The following FBN1 variants were observed in gnomAD, a reference collection of about 807,000 sequenced individuals.
FBN1 encodes fibrillin 1.
FBN1 carries 29 observed loss-of-function variants against 365.1 expected under a neutral mutation model. The observed-to-expected ratio is 0.08, with a 90% CI of 0.06 to 0.11. FBN1 has a LOEUF of 0.11. Among genes scored for constraint, FBN1 ranks in the 10% least tolerant of loss-of-function variants. FBN1 has a pLI of 1.00. For missense variants in FBN1, 2,476 were observed against 3,703.2 expected, an observed-to-expected ratio of 0.67 and a Z score of 8.60; for synonymous variants, 1,210 against 1,270.5, an observed-to-expected ratio of 0.95 and a Z score of 1.01.
At chr15:48,505,218 T>C (rs563858016) in intron 15 of FBN1, 71 bp from the exon 16 acceptor site, 13 of 1,591,506 alleles carry the variant, frequency 8.2e-6, no homozygotes, top group South Asian at 4.4e-5. Context: ...TTGACAATTA[T>C]GTTTTAACCC....
intron 22 of FBN1, among the ~76,000 whole-genome samples, chr15:48,494,727 T>C (rs1288698650): frequency 6.6e-6 from 1 of 152,170 alleles, no homozygotes; most frequent in Non-Finnish European, 1.5e-5. Flanking sequence ...AAACCTCAAG[T>C]TCCCAACAGA....
chr15:48,599,713 C>T (rs2044547120), intron 5 of FBN1, among the ~76,000 whole-genome samples: 1 of 152,044 alleles, frequency 6.6e-6, no homozygotes, highest in Non-Finnish European at 1.5e-5. Context: ...GCAGATACCA[C>T]CAATCAAGAT....
intron 32 of FBN1, among the ~76,000 whole-genome samples, chr15:48,478,726 TGGC>T (rs2043443784): frequency 6.6e-6 from 1 of 152,194 alleles, no homozygotes; most frequent in African/African-American, 2.4e-5. Flanking sequence ...CATTCCCCCT[TGGC>T]AATACCCAGG....
intron 11 of FBN1, 84 bp from the exon 12 acceptor site, chr15:48,515,611 G>A: frequency 6.4e-7 from 1 of 1,553,792 alleles, no homozygotes; most frequent in South Asian, 1.1e-5. Flanking sequence ...TGAACAAGAT[G>A]TTGAATCAGA....
At chr15:48,563,934 A>T (rs1030139317) in intron 6 of FBN1, among the ~76,000 whole-genome samples, 6 of 152,212 alleles carry the variant, frequency 3.9e-5, no homozygotes, top group African/African-American at 1.4e-4. Flanking sequence ...AGACTTGGAG[A>T]TGAAGTTTGA....
chr15:48,611,128 C>A (rs922666790), intron 3 of FBN1, among the ~76,000 whole-genome samples: 1 of 152,068 alleles, frequency 6.6e-6, no homozygotes, highest in Non-Finnish European at 1.5e-5. Context: ...GAAAACCAAA[C>A]AAACAAATTA....
chr15:48,440,367 T>C (rs1253633515), intron 50 of FBN1, among the ~76,000 whole-genome samples: 2 of 152,188 alleles, frequency 1.3e-5, no homozygotes, highest in East Asian at 1.9e-4. Context: ...ATTGAATTAA[T>C]AGCCTAGGAG....
intron 2 of FBN1, chr15:48,642,630 T>A (rs1329791303): frequency 6.6e-6 from 1 of 150,844 alleles, no homozygotes; most frequent in Non-Finnish European, 1.5e-5. Context: ...GAAATACTTT[T>A]AATTGTATAT....
chr15:48,434,605 A>G lies in FBN1; in HGVS notation c.6605T>C (p.Met2202Thr). The change falls in exon 54 of 66, where the codon ATG becomes ACG. Residue 2202 changes from methionine to threonine, a missense_variant. Coordinates refer to ENST00000316623, the MANE Select transcript of FBN1 (RefSeq NM_000138.5). ...CEEGFEPGPM[M>T]TCEDINECAQ... ...TTTAAGAGATGTACCTTCACATGTC[A>G]TCATTGGACCGGGCTCAAATCCCTC... 2.5e-6 allele frequency: 4 copies of G among 1,613,782 alleles called. No individual in the cohort carries two copies. Among genetic ancestry groups the G allele is most frequent in the Non-Finnish European group, 3.4e-6 (4 of 1,179,734 alleles).
rs2042848302 is a variant in FBN1, at chr15:48,410,074, A to G, written c.*916T>C. On this transcript the variant is annotated 3_prime_UTR_variant, in exon 66 of 66. Transcript: ENST00000316623. ...ATGCAAGAACACAAAGCCAAGGGGT[A>G]AACTAAAAAAAAGAAGAGATTGTTT... The G allele has an allele frequency of 6.6e-6, 1 of 152,630 alleles. No individual in the cohort carries two copies. Among genetic ancestry groups the G allele is most frequent in the Non-Finnish European group, 1.5e-5 (1 of 68,030 alleles). 9.5% of individuals were successfully genotyped at this position (152,630 alleles called of 1,614,324 possible).
intron 2 of FBN1, among the ~76,000 whole-genome samples, chr15:48,633,675 A>C (rs894443675): frequency 1.3e-5 from 2 of 152,198 alleles, no homozygotes; most frequent in Non-Finnish European, 2.9e-5. Context: ...CTGACCGCTG[A>C]GAGAGTAATC....
intron 6 of FBN1, among the ~76,000 whole-genome samples, chr15:48,579,959 TACAAAA>T (rs1448724635): frequency 1.3e-5 from 2 of 152,208 alleles, no homozygotes; most frequent in Admixed American, 1.3e-4. Flanking sequence ...AGTGGAGAGC[TACAAAA>T]TATGTTTTGA....
intron 8 of FBN1, among the ~76,000 whole-genome samples, chr15:48,533,506 T>A (rs2043989632): frequency 6.6e-6 from 1 of 152,216 alleles, no homozygotes; most frequent in Non-Finnish European, 1.5e-5. Context: ...AGAAGTTCAA[T>A]CTATAAACTA....
intron 18 of FBN1, among the ~76,000 whole-genome samples, chr15:48,498,246 T>TACCTTACCTC (rs2043624173): frequency 2.0e-5 from 3 of 152,146 alleles, no homozygotes; most frequent in Admixed American, 2.0e-4. Context: ...CGTTATAAGT[T>TACCTTACCTC]TCCTTACCTC....
At chr15:48,454,472 C>A (rs1034349423) in intron 44 of FBN1, among the ~76,000 whole-genome samples, 2 of 152,094 alleles carry the variant, frequency 1.3e-5, no homozygotes, top group African/African-American at 4.8e-5. Flanking sequence ...ACAACAACAA[C>A]AAAAAACAGA....
chr15:48,468,874 C>T (rs1045933894), intron 36 of FBN1, among the ~76,000 whole-genome samples: 8 of 151,486 alleles, frequency 5.3e-5, no homozygotes, highest in East Asian at 3.9e-4. Flanking sequence ...CGAGACCATC[C>T]TGGCTAACAC....
At position 48,425,848 on chromosome 15, in the gene FBN1, C is replaced by T. The variant is rs200805623; in HGVS notation, c.7221G>A (p.Lys2407=). The change falls in exon 59 of 66, where the codon AAG becomes AAA. Residue 2407 remains lysine (K), a synonymous_variant. Transcript: ENST00000316623. Reference sequence around the variant, plus strand: ...CATTTCGGCAAACATCGTGAATAACCTTGCATTCATCGATATCTGTAATTT... The same window carrying T: ...CATTTCGGCAAACATCGTGAATAACTTTGCATTCATCGATATCTGTAATTT... The part of the protein sequence containing the change: ...MTNGADIDEC[K]VIHDVCRNGE... 2 of 1,610,266 alleles carry T rather than the reference C, an allele frequency of 1.2e-6. No individual in the cohort carries two copies. The highest frequency in any genetic ancestry group is 1.3e-5 in the African/African-American group (1 of 74,922).
intron 2 of FBN1, among the ~76,000 whole-genome samples, chr15:48,628,717 T>C (rs1267924892): frequency 6.6e-6 from 1 of 152,114 alleles, no homozygotes; most frequent in Non-Finnish European, 1.5e-5. Flanking sequence ...GAGCCTAAGT[T>C]CAAAACTAGG....
intron 6 of FBN1, among the ~76,000 whole-genome samples, chr15:48,571,401 T>C (rs1418637838): frequency 1.3e-5 from 2 of 152,176 alleles, no homozygotes; most frequent in African/African-American, 4.8e-5. Context: ...AATAAAAATA[T>C]TTATTGAATC....
Sources: gnomAD v4.1 joint callset for allele counts (sites outside exome capture counted in the v4.1 genomes callset) on GRCh38, gnomAD v4.1.1 for gene constraint, MANE v1.5 for transcripts, NCBI Gene and HGNC (gene_info 2026-07-23, HGNC 2026-07-21) for gene names.